The following FKBP4 variants were observed in gnomAD, a reference collection of about 807,000 sequenced individuals.
FKBP4 encodes peptidyl-prolyl cis-trans isomerase FKBP4.
Under a neutral mutation model 54.1 loss-of-function variants are expected in FKBP4, and 28 were observed. The observed-to-expected ratio is 0.52, with a 90% CI of 0.38 to 0.71. FKBP4 has a LOEUF of 0.71. FKBP4 is among the 30% of genes least tolerant of loss of function. FKBP4 has a pLI of 0.00. For synonymous variants in FKBP4, 223 were observed against 216.1 expected, an observed-to-expected ratio of 1.03 and a Z score of -0.28; for missense variants, 493 against 574.4, an observed-to-expected ratio of 0.86 and a Z score of 1.45.
chr12:2,796,636 CTG>C, intron 1 of FKBP4: 2 of 1,146,430 alleles, frequency 1.7e-6, no homozygotes, highest in South Asian at 3.7e-5. Flanking sequence ...CTGTTTTGAA[CTG>C]TTTCTATTCT....
chr12:2,802,594 T>C (rs551580961), intron 9 of FKBP4, among the ~76,000 whole-genome samples: 1 of 152,372 alleles, frequency 6.6e-6, no homozygotes, highest in South Asian at 2.1e-4. Flanking sequence ...CAAAATCCAA[T>C]GTATATTTTG....
intron 1 of FKBP4, chr12:2,796,913 T>G: frequency 2.2e-6 from 3 of 1,350,182 alleles, no homozygotes; most frequent in Non-Finnish European, 2.9e-6. Flanking sequence ...CTCTCAGCCT[T>G]TTGTCTCCTT....
In FKBP4 at chr12:2,798,580, C is replaced by T. The variant is rs1419437638; in HGVS notation, c.394-126C>T. On this transcript the variant is annotated intron_variant, in intron 3 of 9. Transcript: ENST00000001008. The surrounding 1 kb of genome is among the most constrained non-coding windows in gnomAD (Gnocchi z 4.3). ...AAAAAAGTGCCACTCTACCCAACTC[C>T]TTGTGACTGCCCTTGTGGTCAGATC... The T allele has an allele frequency of 2.0e-6, 3 of 1,528,002 alleles. No individual in the cohort carries two copies. The highest frequency in any genetic ancestry group is 2.3e-5 in the East Asian group (1 of 43,736). The allele number at this position is 1,528,002 out of a possible 1,614,324, so 94.7% of individuals were successfully genotyped here.
intron 1 of FKBP4, chr12:2,796,362 A>T: frequency 7.8e-7 from 1 of 1,289,186 alleles, no homozygotes; most frequent in African/African-American, 1.5e-5. Context: ...CGAGATTGTT[A>T]TTCCAGGAAA....
At position 2,801,122 on chromosome 12, in the gene FKBP4, A is replaced by G. The variant is rs2097904501; in HGVS notation, c.1038A>G (p.Leu346=). ...SAAIESCNKA[L]ELDSNNEKGL... ...TTCCTCTCTGCATTCTTTAGGCCCT[A>G]GAACTGGACAGCAACAACGAGAAGG... The change falls in exon 9 of 10, where the codon CTA becomes CTG. Residue 346 remains leucine, a synonymous_variant. Coordinates refer to ENST00000001008, the MANE Select transcript of FKBP4 (RefSeq NM_002014.4). The G allele has an allele frequency of 6.2e-7, 1 of 1,613,956 alleles. No individual in the cohort carries two copies. The highest frequency in any genetic ancestry group is 1.1e-5 in the South Asian group (1 of 91,078).
At chr12:2,796,645 T>C in intron 1 of FKBP4, 1 of 1,129,536 alleles carries the variant, frequency 8.9e-7, no homozygotes, top group Non-Finnish European at 1.1e-6. Flanking sequence ...ACTGTTTCTA[T>C]TCTCTTCACT....
At chr12:2,796,448 G>T in intron 1 of FKBP4, 1 of 1,255,238 alleles carries the variant, frequency 8.0e-7, no homozygotes, top group Non-Finnish European at 1.0e-6. Context: ...ATTCTTCGTG[G>T]AAGCTTTCCC....
chr12:2,802,240 C>T (rs1284296180), intron 9 of FKBP4, among the ~76,000 whole-genome samples: 3 of 152,000 alleles, frequency 2.0e-5, no homozygotes, highest in East Asian at 1.9e-4. Flanking sequence ...TGGGTTCAAG[C>T]GATTCTCCTG....
chr12:2,802,939 G>A (rs1041229804), intron 9 of FKBP4, among the ~76,000 whole-genome samples: 1 of 152,086 alleles, frequency 6.6e-6, no homozygotes, highest in African/African-American at 2.4e-5. Flanking sequence ...TGTTGCCCAG[G>A]CTGATCTCAA....
At position 2,798,772 on chromosome 12, in the gene FKBP4, A is replaced by G. The variant is rs768123978; in HGVS notation, c.460A>G (p.Ile154Val). 1.9e-6 allele frequency: 3 copies of G among 1,614,212 alleles called. No individual in the cohort carries two copies. The highest frequency in any genetic ancestry group is 1.7e-6 in the Non-Finnish European group (2 of 1,180,042). The change falls in exon 4 of 10, where the codon ATA (isoleucine) becomes GTA (valine). Residue 154 changes from isoleucine (I) to valine (V), a missense_variant. Ile to Val is a conservative substitution (Grantham distance 29, BLOSUM62 3). Transcript: ENST00000001008. This position sits in a 1 kb window ranked among gnomAD's most constrained non-coding sequence, Gnocchi z 4.3. ...GGAAGATGGCGGAATCATTCGCAGA[A>G]TACAGACTCGCGGTGAAGGCTATGC... ...EEEDGGIIRR[I>V]QTRGEGYAKP...
intron 9 of FKBP4, 39 bp from the exon 10 acceptor site, chr12:2,803,112 T>C: frequency 7.0e-7 from 1 of 1,419,810 alleles, no homozygotes; most frequent in Admixed American, 1.9e-5. Context: ...GTTTTTTCAC[T>C]TGGGAAGTCA....
Position 2,797,717 on chromosome 12 carries a change from C to A in FKBP4, c.251-12C>A. 1 of 1,607,504 alleles carries A rather than the reference C, an allele frequency of 6.2e-7. No homozygotes were observed. Among genetic ancestry groups the A allele is most frequent in the Non-Finnish European group, 8.5e-7 (1 of 1,175,338 alleles). On this transcript the variant is annotated splice_polypyrimidine_tract_variant and intron_variant, in intron 2 of 9. Transcript: ENST00000001008. ...CCTGCTAAGGCGGTCCTGTTTGCTT[C>A]TGTACCTGCAGGGGAGGTCATCAAG...
At chr12:2,797,491 C>A (rs1175883310) in intron 2 of FKBP4, among the ~76,000 whole-genome samples, 2 of 151,734 alleles carry the variant, frequency 1.3e-5, no homozygotes, top group Non-Finnish European at 2.9e-5. Flanking sequence ...CAACACCTTA[C>A]TCCCCCTTCA....
Position 2,797,736 on chromosome 12 carries a change from C to T in FKBP4, c.258C>T (p.Val86=). ...KFSFDLGKGE[V]IKAWDIAIAT... ...TTGCTTCTGTACCTGCAGGGGAGGT[C>T]ATCAAGGCTTGGGACATTGCCATAG... The change falls in exon 3 of 10, where the codon GTC becomes GTT. Residue 86 remains valine (V), a synonymous_variant. Transcript: ENST00000001008. The T allele has an allele frequency of 1.9e-6, 3 of 1,612,602 alleles. No individual in the cohort carries two copies. The highest frequency in any genetic ancestry group is 2.5e-6 in the Non-Finnish European group (3 of 1,178,984).
Position 2,798,985 on chromosome 12 carries a change from G to A in FKBP4, c.515-103G>A. 7.0e-7 allele frequency: 1 copy of A among 1,425,580 alleles called. No individual in the cohort carries two copies. 88.3% of individuals were successfully genotyped at this position (1,425,580 alleles called of 1,614,324 possible). On this transcript the variant is annotated intron_variant, in intron 4 of 9. Coordinates refer to ENST00000001008, the MANE Select transcript of FKBP4 (RefSeq NM_002014.4). The surrounding 1 kb of genome is among the most constrained non-coding windows in gnomAD (Gnocchi z 4.3). ...TATCACTCCAGATTTGAGAACACAG[G>A]AGAATCTTGGGATGATGGGGGTGAT...
At chr12:2,801,765 A>T in intron 9 of FKBP4, 1 of 353,878 alleles carries the variant, frequency 2.8e-6, no homozygotes, top group Non-Finnish European at 5.7e-6. Flanking sequence ...AAAAAAGAAA[A>T]GCGAGATGCT....
chr12:2,804,691 C>T lies in FKBP4; in HGVS notation c.*1433C>T, dbSNP rs1013181951. ...TGTGGTTGTCTGCTTAGCCACATGC[C>T]TGTATAGTTCCTTCCAGAAGAAATG... On this transcript the variant is annotated 3_prime_UTR_variant, in exon 10 of 10. Coordinates refer to ENST00000001008, the MANE Select transcript of FKBP4 (RefSeq NM_002014.4). 3.9e-5 allele frequency: 6 copies of T among 154,660 alleles called. No homozygotes were observed. Among genetic ancestry groups the T allele is most frequent in the African/African-American group, 1.4e-4 (6 of 41,474 alleles). 9.6% of individuals were successfully genotyped at this position (154,660 alleles called of 1,614,324 possible). A position where few individuals can be genotyped will look rare whatever the true frequency, so the allele number is the denominator to read the frequency against.
At chr12:2,796,784 A>G (rs2097902093) in intron 1 of FKBP4, 1 of 1,080,148 alleles carries the variant, frequency 9.3e-7, no homozygotes, top group Non-Finnish European at 1.1e-6. Context: ...CTATTATTCA[A>G]CCTTTTACTG....
chr12:2,800,079 A>G lies in FKBP4; in HGVS notation c.803A>G (p.Glu268Gly), dbSNP rs1362460961. 11 of 1,613,942 alleles carry G rather than the reference A, an allele frequency of 6.8e-6. No homozygotes were observed. Among genetic ancestry groups the G allele is most frequent in the Non-Finnish European group, 9.3e-6 (11 of 1,180,060 alleles). Residue 268 changes from glutamate to glycine, a missense_variant, in exon 7 of 10, where the codon GAA becomes GGA. Physicochemically the swap from Glu to Gly is moderately conservative, Grantham distance 98 (BLOSUM62 -2). Transcript: ENST00000001008. ...SWEMNSEEKL[E>G]QSTIVKERGT... ...GAGATGAATTCAGAAGAGAAGCTGG[A>G]ACAGAGCACCATAGTGAAAGAGCGG...
Sources: gnomAD v4.1 joint callset for allele counts (sites outside exome capture counted in the v4.1 genomes callset) on GRCh38, gnomAD v4.1.1 for gene constraint, Gnocchi (gnomAD v3.1) non-coding constraint, MANE v1.5 for transcripts, NCBI Gene and HGNC (gene_info 2026-07-23, HGNC 2026-07-21) for gene names.